The following MTA1 variants were observed in gnomAD, a reference collection of about 807,000 sequenced individuals.
The protein encoded by MTA1 is metastasis-associated protein MTA1.
A neutral mutation model predicts 97.0 loss-of-function variants in MTA1; 15 were observed. The ratio of observed to expected loss-of-function variants is 0.15; its 90% CI spans 0.10 to 0.24. The LOEUF (loss-of-function observed/expected upper bound fraction) is 0.24. MTA1 is among the 10% of genes least tolerant of loss of function. The pLI, the probability that MTA1 is intolerant of heterozygous loss-of-function variation, is 1.00. For missense variants in MTA1, 709 were observed against 1,015.1 expected (o/e 0.70, Z 4.10); for synonymous variants, 435 against 417.5 (o/e 1.04, Z -0.51).
At chr14:105,444,458 C>T (rs1555426577) in intron 2 of MTA1, among the ~76,000 whole-genome samples, 1 of 152,080 alleles carries the variant, frequency 6.6e-6, no homozygotes, top group East Asian at 1.9e-4. Context: ...CTGCTGCATT[C>T]TAGTCTGGGC....
chr14:105,467,718 T>C (rs1012349177), intron 18 of MTA1: 2 of 347,968 alleles, frequency 5.7e-6, no homozygotes, highest in African/African-American at 4.3e-5. Context: ...GCTGCCCCCA[T>C]TGCCTAGTCC....
intron 2 of MTA1, among the ~76,000 whole-genome samples, chr14:105,441,096 C>T (rs10133973): frequency 0.11 from 17,405 of 152,128 alleles, 3,332 homozygotes; most frequent in African/African-American, 0.4. Flanking sequence ...TGGCTGGCAG[C>T]GCGGAAGGCC....
At chr14:105,466,138 G>T in intron 16 of MTA1, 1 of 502,002 alleles carries the variant, frequency 2.0e-6, no homozygotes. Flanking sequence ...TATGGATCCT[G>T]TTGTCCCGGG....
chr14:105,456,253 A>G (rs1308440264), intron 7 of MTA1, among the ~76,000 whole-genome samples: 1 of 152,258 alleles, frequency 6.6e-6, no homozygotes, highest in Non-Finnish European at 1.5e-5. Context: ...CATGAGGGCC[A>G]GAGAGTGAGG....
rs1555431427 is a variant in MTA1, at chr14:105,463,144, T to C, written c.943-40T>C. On this transcript the variant is annotated intron_variant, in intron 10 of 20. Coordinates refer to ENST00000331320, the MANE Select transcript of MTA1 (RefSeq NM_004689.4). The surrounding 1 kb of genome is among the most constrained non-coding windows in gnomAD (Gnocchi z 5.9). ...CTGCCTGCATGGTGTGCCTGCCTCC[T>C]GCCCCTTCCTGCTTGTGTGACACGC... is the stretch of plus-strand genomic sequence containing the variant. 1 of 1,599,554 alleles carries C rather than the reference T, an allele frequency of 6.3e-7. No individual in the cohort carries two copies. Among genetic ancestry groups the C allele is most frequent in the South Asian group, 1.1e-5 (1 of 90,714 alleles).
chr14:105,433,115 A>G (rs2141447049), intron 1 of MTA1, among the ~76,000 whole-genome samples: 1 of 152,212 alleles, frequency 6.6e-6, no homozygotes, highest in East Asian at 1.9e-4. Context: ...AAGGACGCAG[A>G]CTCAAATCAG....
chr14:105,448,064 C>G (rs1221367678), intron 3 of MTA1, among the ~76,000 whole-genome samples: 4 of 152,174 alleles, frequency 2.6e-5, no homozygotes, highest in Admixed American at 6.5e-5. Flanking sequence ...AAGCCCTCCC[C>G]CCGGCAGGGC....
chr14:105,453,205 G>T (rs1003478407), intron 6 of MTA1, among the ~76,000 whole-genome samples: 6 of 152,292 alleles, frequency 3.9e-5, no homozygotes, highest in African/African-American at 1.4e-4. Context: ...CGCGCCTGCT[G>T]CGCGGGTGGC....
rs587660800 is a variant in MTA1, at chr14:105,420,488, C to T, written c.28+425C>T. On this transcript the variant is annotated intron_variant, in intron 1 of 20. Transcript: ENST00000331320. The surrounding 1 kb of genome is among the most constrained non-coding windows in gnomAD (Gnocchi z 5.3). ...CGGCCCGCGGCCCTGTGCTGGGACT[C>T]CGGTGCATCCCCTCTGGGGATGGGG... Among the ~76,000 whole-genome samples the T allele has an allele frequency of 6.6e-6, 1 of 152,274 alleles. No individual in the cohort carries two copies. The highest frequency in any genetic ancestry group is 1.5e-5 in the Non-Finnish European group (1 of 67,978).
intron 1 of MTA1, among the ~76,000 whole-genome samples, chr14:105,435,184 A>G (rs587626595): frequency 6.6e-6 from 1 of 152,166 alleles, no homozygotes; most frequent in South Asian, 2.1e-4. Context: ...TATGTGTTGG[A>G]TTTTTTCAGA....
Position 105,421,739 on chromosome 14 carries a change from TG to T in MTA1, c.28+1678del, listed in dbSNP as rs1595239742. 2.0e-5 allele frequency among the ~76,000 whole-genome samples: 3 copies of T among 152,364 alleles called. No homozygotes were observed. In the East Asian group the frequency reaches 5.8e-4, roughly 29 times the overall value. ...TTTGTGCCCTGTGGCAGCTGTGCTG[TG>T]GCTGATGAAAGCCAGGACCCTGCCT... On this transcript the variant is annotated intron_variant, in intron 1 of 20. Coordinates refer to ENST00000331320, the MANE Select transcript of MTA1 (RefSeq NM_004689.4).
chr14:105,455,636 C>A (rs1555429723), intron 7 of MTA1, among the ~76,000 whole-genome samples: 1 of 152,248 alleles, frequency 6.6e-6, no homozygotes, highest in East Asian at 1.9e-4. Context: ...AAGCCTCAGC[C>A]TCCCGAGTAG....
chr14:105,434,047 C>T (rs587654735), intron 1 of MTA1, among the ~76,000 whole-genome samples: 8 of 152,258 alleles, frequency 5.3e-5, no homozygotes, highest in East Asian at 3.9e-4. Flanking sequence ...AGGATGGTCT[C>T]GATCTCCTGA....
intron 6 of MTA1, among the ~76,000 whole-genome samples, chr14:105,451,270 A>G (rs1555428618): frequency 6.6e-6 from 1 of 152,206 alleles, no homozygotes; most frequent in Non-Finnish European, 1.5e-5. Context: ...CCCGGTCCCC[A>G]TTCCCACCAC....
At chr14:105,469,382 C>G (rs976642243) in intron 18 of MTA1, 85 bp from the exon 19 acceptor site, 13 of 1,480,070 alleles carry the variant, frequency 8.8e-6, no homozygotes, top group Non-Finnish European at 1.2e-5. Context: ...GCCCATTGTC[C>G]CAAGGTGGCT....
At position 105,466,694 on chromosome 14, in the gene MTA1, C is replaced by T. The variant is rs1198270415; in HGVS notation, c.1778-13C>T. The T allele has an allele frequency of 1.2e-6, 2 of 1,604,970 alleles. No homozygotes were observed. The highest frequency in any genetic ancestry group is 1.7e-6 in the Non-Finnish European group (2 of 1,177,054). On this transcript the variant is annotated splice_polypyrimidine_tract_variant and intron_variant, in intron 17 of 20. Coordinates refer to ENST00000331320, the MANE Select transcript of MTA1 (RefSeq NM_004689.4). ...CTGTCTTCTCTCCCTCTCTCCCACC[C>T]CGGCGCTGCCAGGCAACATGAAGAA...
chr14:105,425,806 G>T (rs182752149), intron 1 of MTA1, among the ~76,000 whole-genome samples: 1 of 151,820 alleles, frequency 6.6e-6, no homozygotes, highest in Non-Finnish European at 1.5e-5. Context: ...AGGCCACCCA[G>T]CACCTCGCCC....
At position 105,469,926 on chromosome 14, in the gene MTA1, AGCG is replaced by A. The variant is rs1567052852; in HGVS notation, c.1939_1941del (p.Arg647del). ...CGGGGGGGCTCCCTGCCCCCAGTCA[AGCG>A]GCGGCGGATGAACTGGATCGACGCC... On this transcript the variant is annotated inframe_deletion, in exon 20 of 21. Transcript: ENST00000331320. 2.5e-6 allele frequency: 4 copies of A among 1,612,240 alleles called. No individual in the cohort carries two copies. The highest frequency in any genetic ancestry group is 3.4e-6 in the Non-Finnish European group (4 of 1,179,694).
At chr14:105,465,009 G>T (rs929572525) in intron 15 of MTA1, 85 bp from the exon 16 acceptor site, 1 of 1,428,306 alleles carries the variant, frequency 7.0e-7, no homozygotes. Flanking sequence ...GCCGAGCCCA[G>T]TGAGGGCTCC....
Sources: gnomAD v4.1 joint callset for allele counts (sites outside exome capture counted in the v4.1 genomes callset) on GRCh38, gnomAD v4.1.1 for gene constraint, Gnocchi (gnomAD v3.1) non-coding constraint, MANE v1.5 for transcripts, NCBI Gene and HGNC (gene_info 2026-07-23, HGNC 2026-07-21) for gene names.